The following FHDC1 variants were observed in gnomAD, a reference collection of about 807,000 sequenced individuals.
The protein encoded by FHDC1 is FH2 domain containing 1.
In FHDC1, 25 loss-of-function variants were observed where a neutral mutation model predicts 52.6. The ratio of observed to expected loss-of-function variants is 0.48; its 90% CI spans 0.35 to 0.66. The LOEUF (loss-of-function observed/expected upper bound fraction) is 0.66, where lower values mean the gene tolerates loss of function less well. Ranked by LOEUF, FHDC1 falls within the 30% of genes least tolerant of loss-of-function variation. The pLI is 0.01. For missense variants in FHDC1, 1,459 were observed against 1,452.8 expected, an observed-to-expected ratio of 1.00 and a Z score of -0.07; for synonymous variants, 616 against 581.5, an observed-to-expected ratio of 1.06 and a Z score of -0.85.
the FHDC1 span, chr4:152,911,979 G>C: frequency 1 from 152,543 of 152,654 alleles, 76,216 homozygotes; most frequent in Non-Finnish European, 1. Flanking sequence ...CATAATTTGC[G>C]TTTTCTGAAC....
the FHDC1 span, among the ~76,000 whole-genome samples, chr4:152,919,940 A>G: frequency 3.0e-5 from 4 of 133,780 alleles, no homozygotes; most frequent in Non-Finnish European, 6.3e-5. Flanking sequence ...CTGGTAGGGA[A>G]GTTCTTTTTT....
the FHDC1 span, chr4:152,927,515 T>A: frequency 9.0e-7 from 1 of 1,105,484 alleles, no homozygotes; most frequent in South Asian, 1.2e-5. Flanking sequence ...ACTAGATGAA[T>A]GGTGCAAAAG....
In FHDC1 at chr4:152,960,797, G is replaced by A; in HGVS notation, c.803G>A (p.Cys268Tyr). Residue 268 changes from cysteine to tyrosine, a missense_variant, in exon 6 of 12, where the codon TGC becomes TAC. Coordinates refer to ENST00000511601, the MANE Select transcript of FHDC1 (RefSeq NM_001371116.1). ...MVLKKEFLPSCSSLYTDITVL... is the reference protein window; with the variant it reads ...MVLKKEFLPSYSSLYTDITVL... ...CTAAAGAAGGAATTTCTACCTTCTT[G>A]CTCTTCTCTATATACAGATATAACA... 1.2e-6 allele frequency: 2 copies of A among 1,612,840 alleles called. No homozygotes were observed. Among genetic ancestry groups the A allele is most frequent in the Non-Finnish European group, 1.7e-6 (2 of 1,179,744 alleles).
At chr4:152,937,412 A>G (rs911567509) in intron 1 of FHDC1, among the ~76,000 whole-genome samples, 1 of 151,978 alleles carries the variant, frequency 6.6e-6, no homozygotes, top group Admixed American at 6.5e-5. Flanking sequence ...AAACCCCCGC[A>G]GAGGGGCTGG....
chr4:152,937,287 C>T (rs866833781), intron 1 of FHDC1, among the ~76,000 whole-genome samples: 4 of 152,144 alleles, frequency 2.6e-5, no homozygotes, highest in African/African-American at 7.2e-5. Context: ...GTTGGGAGCG[C>T]GCGGCCGCCG....
Position 152,976,638 on chromosome 4 carries a change from G to T in FHDC1, c.3347G>T (p.Arg1116Ile). The change falls in exon 12 of 12, where the codon AGA becomes ATA. Residue 1116 changes from arginine to isoleucine, a missense_variant. Physicochemically the swap from Arg to Ile is moderately conservative, Grantham distance 97 (BLOSUM62 -3). Coordinates refer to ENST00000511601, the MANE Select transcript of FHDC1 (RefSeq NM_001371116.1). The part of the protein sequence containing the change: ...SANTEAPLKA[R>I]GAGERASLRR... Reference sequence around the variant, plus strand: ...AACACGGAGGCCCCTCTGAAGGCCAGAGGGGCTGGGGAAAGGGCCTCCCTC... The same window carrying T: ...AACACGGAGGCCCCTCTGAAGGCCATAGGGGCTGGGGAAAGGGCCTCCCTC... 1 of 1,602,770 alleles carries T rather than the reference G, an allele frequency of 6.2e-7. No individual in the cohort carries two copies. Among genetic ancestry groups the T allele is most frequent in the African/African-American group, 1.3e-5 (1 of 74,800 alleles).
In FHDC1 at chr4:152,976,363, C is replaced by T. The variant is rs1740883306; in HGVS notation, c.3072C>T (p.Ser1024=). 1 of 1,613,802 alleles carries T rather than the reference C, an allele frequency of 6.2e-7. No homozygotes were observed. Among genetic ancestry groups the T allele is most frequent in the South Asian group, 1.1e-5 (1 of 91,082 alleles). Residue 1024 remains serine (S), a synonymous_variant, in exon 12 of 12, where the codon AGC becomes AGT. Coordinates refer to ENST00000511601, the MANE Select transcript of FHDC1 (RefSeq NM_001371116.1). ...AGCCCAAGACCCCGTCAGTGCCCAG[C>T]GTCCCCCACGAACTACCCCGTGTCC... ...KEEPKTPSVP[S]VPHELPRVPS... is the part of the protein sequence containing the mutation.
At chr4:152,949,246 C>T (rs1739851906) in intron 2 of FHDC1, among the ~76,000 whole-genome samples, 1 of 151,918 alleles carries the variant, frequency 6.6e-6, no homozygotes, top group African/African-American at 2.4e-5. Context: ...GAGGCCAAGA[C>T]AGGAGGATAG....
At chr4:152,957,577 G>A (rs143933488) in intron 4 of FHDC1, among the ~76,000 whole-genome samples, 6 of 152,316 alleles carry the variant, frequency 3.9e-5, no homozygotes, top group East Asian at 3.9e-4. Context: ...TCAAAACCCC[G>A]CCTCGCGCTG....
At chr4:152,926,514 G>A in the FHDC1 span, among the ~76,000 whole-genome samples, 1 of 147,608 alleles carries the variant, frequency 6.8e-6, no homozygotes, top group Non-Finnish European at 1.5e-5. Flanking sequence ...AAAAAGGGCA[G>A]AACCTTAGTT....
chr4:152,947,390 C>T (rs1480664081), intron 2 of FHDC1, among the ~76,000 whole-genome samples: 10 of 152,068 alleles, frequency 6.6e-5, no homozygotes, highest in African/African-American at 1.2e-4. Flanking sequence ...GGGGATGAGA[C>T]GAGAGAGATT....
chr4:152,925,530 A>C, the FHDC1 span, among the ~76,000 whole-genome samples: 23 of 152,196 alleles, frequency 1.5e-4, no homozygotes, highest in Non-Finnish European at 2.2e-4. Flanking sequence ...ATTAAAAACA[A>C]ATGCCAAATC....
chr4:152,976,479 C>G lies in FHDC1; in HGVS notation c.3188C>G (p.Thr1063Arg). 1 of 1,613,608 alleles carries G rather than the reference C, an allele frequency of 6.2e-7. No homozygotes were observed. Among genetic ancestry groups the G allele is most frequent in the Non-Finnish European group, 8.5e-7 (1 of 1,180,034 alleles). The change falls in exon 12 of 12, where the codon ACA (threonine) becomes AGA (arginine). Residue 1063 changes from threonine (T) to arginine (R), a missense_variant. Thr to Arg is a moderately conservative substitution (Grantham distance 71). Transcript: ENST00000511601. ...GCCAAAGCCCCCGGCATCACTCGGA[C>G]AGTGTCGCAGCGGCAGCTGAGGGTG... ...PVAKAPGITR[T>R]VSQRQLRVKG... is the part of the protein sequence containing the mutation.
At chr4:152,974,503 TAC>T (rs141811778) in intron 11 of FHDC1, among the ~76,000 whole-genome samples, 170 bp from the exon 12 acceptor site, 1 of 151,548 alleles carries the variant, frequency 6.6e-6, no homozygotes, top group Non-Finnish European at 1.5e-5. Context: ...CACACATGCG[TAC>T]ACACACACAC....
chr4:152,966,709 G>A (rs571832641), intron 9 of FHDC1, among the ~76,000 whole-genome samples: 4 of 152,094 alleles, frequency 2.6e-5, no homozygotes, highest in South Asian at 2.1e-4. Context: ...TGATCTGCCC[G>A]CCCCACCCTC....
chr4:152,968,217 C>A (rs1740524741), intron 10 of FHDC1, 120 bp downstream of exon 10: 1 of 683,706 alleles, frequency 1.5e-6, no homozygotes, highest in Non-Finnish European at 2.5e-6. Context: ...TTTTTTTCTC[C>A]AAGTTAGTCA....
intron 8 of FHDC1, among the ~76,000 whole-genome samples, chr4:152,963,769 GTTTTTTTTTTTTTTTTTTTTT>G (rs58783965): frequency 2.7e-4 from 14 of 51,802 alleles, no homozygotes; most frequent in South Asian, 9.5e-4. Context: ...CCATTGCTTT[GTTTTTTTTTTTTTTTTTTTTT>G]TTTTTTTTTT....
the FHDC1 span, among the ~76,000 whole-genome samples, chr4:152,915,366 C>T: frequency 8.9e-4 from 135 of 152,332 alleles, 1 homozygote; most frequent in South Asian, 0.024. Context: ...CCTCCCGCAT[C>T]GGCTTCCCAA....
At position 152,978,691 on chromosome 4, in the gene FHDC1, C is replaced by T. The variant is rs1258293298; in HGVS notation, c.*1968C>T. 2 of 151,752 alleles carry T rather than the reference C, an allele frequency of 1.3e-5. No individual in the cohort carries two copies. The highest frequency in any genetic ancestry group is 4.8e-5 in the African/African-American group (2 of 41,298). The allele number at this position is 151,752 out of a possible 1,614,324, so 9.4% of individuals were successfully genotyped here. On this transcript the variant is annotated 3_prime_UTR_variant, in exon 12 of 12. Transcript: ENST00000511601. ...ATTTTAGGTCACTTATTAGTGAAAC[C>T]TCATTTTAGATCTGACATTGGTAGA...
Sources: allele counts gnomAD v4.1 joint callset (sites outside exome capture counted in the v4.1 genomes callset), GRCh38; gene constraint gnomAD v4.1.1; transcripts MANE v1.5; gene names NCBI Gene and HGNC (gene_info 2026-07-23, HGNC 2026-07-21).